ROR1: variants seen among roughly 807,000 people sequenced by gnomAD.
ROR1 encodes the protein inactive tyrosine-protein kinase transmembrane receptor ROR1.
A neutral mutation model predicts 78.8 loss-of-function variants in ROR1; 19 were observed. That is an observed-to-expected ratio of 0.24 (90% CI 0.17 to 0.35). The LOEUF is 0.35. ROR1 is among the 10% of genes least tolerant of loss of function. The pLI, the probability that ROR1 is intolerant of heterozygous loss-of-function variation, is 1.00. For missense variants in ROR1, 917 were observed against 1,177.8 expected, an observed-to-expected ratio of 0.78 and a Z score of 3.24; for synonymous variants, 386 against 433.6, an observed-to-expected ratio of 0.89 and a Z score of 1.36.
intron 2 of ROR1, among the ~76,000 whole-genome samples, chr1:64,018,551 ATTC>A (rs1018704143): frequency 4.6e-5 from 7 of 151,948 alleles, no homozygotes; most frequent in African/African-American, 1.7e-4. Flanking sequence ...TCTTCTCCCC[ATTC>A]TTCTTCTTTC....
intron 1 of ROR1, among the ~76,000 whole-genome samples, chr1:63,829,747 G>A (rs968488018): frequency 6.6e-6 from 1 of 152,186 alleles, no homozygotes; most frequent in Non-Finnish European, 1.5e-5. Context: ...TGCAGGCCAT[G>A]CTGGGGAGCT....
chr1:63,919,819 A>G (rs992330821), intron 1 of ROR1, among the ~76,000 whole-genome samples: 1 of 152,202 alleles, frequency 6.6e-6, no homozygotes, highest in Non-Finnish European at 1.5e-5. Context: ...TTAGCGATGC[A>G]CAGTGATCTA....
At chr1:64,127,069 C>T (rs192903791) in intron 4 of ROR1, among the ~76,000 whole-genome samples, 1 of 152,294 alleles carries the variant, frequency 6.6e-6, no homozygotes, top group East Asian at 1.9e-4. Context: ...TATTGTATCA[C>T]TGTTAAGCAC....
At chr1:63,835,865 T>C (rs1184185340) in intron 1 of ROR1, among the ~76,000 whole-genome samples, 1 of 152,206 alleles carries the variant, frequency 6.6e-6, no homozygotes, top group Non-Finnish European at 1.5e-5. Flanking sequence ...CCGTCTCCTT[T>C]TAGAGGAAAT....
intron 1 of ROR1, among the ~76,000 whole-genome samples, chr1:63,910,383 C>A (rs951600600): frequency 4.6e-5 from 7 of 152,098 alleles, no homozygotes; most frequent in African/African-American, 1.7e-4. Context: ...ACAGAAAGGG[C>A]TCATTGGCTG....
At chr1:63,827,048 G>A (rs544028874) in intron 1 of ROR1, among the ~76,000 whole-genome samples, 8 of 147,946 alleles carry the variant, frequency 5.4e-5, no homozygotes, top group African/African-American at 1.3e-4. Context: ...GCTGGAAGCC[G>A]TTATCCTTTT....
chr1:63,856,318 A>G (rs111464418), intron 1 of ROR1, among the ~76,000 whole-genome samples: 2 of 152,332 alleles, frequency 1.3e-5, no homozygotes, highest in Admixed American at 6.5e-5. Flanking sequence ...TACTTAGTCT[A>G]TAACTAATTA....
At chr1:64,102,624 G>T (rs1337267198) in intron 4 of ROR1, among the ~76,000 whole-genome samples, 1 of 152,162 alleles carries the variant, frequency 6.6e-6, no homozygotes, top group African/African-American at 2.4e-5. Flanking sequence ...ATGCACAAAG[G>T]TGGGCTTAGA....
chr1:64,149,697 A>G (rs1308008816), intron 7 of ROR1, among the ~76,000 whole-genome samples: 1 of 152,206 alleles, frequency 6.6e-6, no homozygotes, highest in Non-Finnish European at 1.5e-5. Context: ...TTCATTCACT[A>G]TGCTTTCACC....
chr1:63,868,478 C>T (rs906254255), intron 1 of ROR1, among the ~76,000 whole-genome samples: 6 of 152,178 alleles, frequency 3.9e-5, no homozygotes, highest in African/African-American at 1.2e-4. Context: ...CAAATTCAGG[C>T]TCTACCACTT....
intron 1 of ROR1, among the ~76,000 whole-genome samples, chr1:63,876,679 TGTGCGC>T (rs1348833013): frequency 2.2e-4 from 18 of 80,178 alleles, no homozygotes; most frequent in African/African-American, 1.4e-3. Context: ...TGTGTGTGTG[TGTGCGC>T]GTGTGTGTGT....
intron 1 of ROR1, among the ~76,000 whole-genome samples, chr1:63,804,932 A>G (rs1644819316): frequency 6.6e-6 from 1 of 152,154 alleles, no homozygotes; most frequent in South Asian, 2.1e-4. Context: ...AGAGCCTGAG[A>G]TCTTGTCACT....
chr1:63,789,292 T>G (rs1040228994), intron 1 of ROR1: 13 of 540,256 alleles, frequency 2.4e-5, no homozygotes, highest in African/African-American at 2.3e-4. Flanking sequence ...TTCTGAAGCC[T>G]GAGCATACTC....
chr1:64,019,604 C>T (rs551376309), intron 2 of ROR1, among the ~76,000 whole-genome samples: 25 of 152,292 alleles, frequency 1.6e-4, no homozygotes, highest in Admixed American at 7.8e-4. Flanking sequence ...TAACACCTCC[C>T]TTTCTCATGA....
At chr1:64,088,135 T>C (rs1647167972) in intron 4 of ROR1, among the ~76,000 whole-genome samples, 1 of 152,216 alleles carries the variant, frequency 6.6e-6, no homozygotes. Context: ...TAGTTCAGTC[T>C]CTTTGCTCAA....
intron 1 of ROR1, among the ~76,000 whole-genome samples, chr1:63,868,139 G>T (rs1325732041): frequency 2.7e-5 from 4 of 148,280 alleles, no homozygotes; most frequent in African/African-American, 7.8e-5. Context: ...TTTTGTTGTT[G>T]TTGTTGTTGT....
At position 63,996,286 on chromosome 1, in the gene ROR1, A is replaced by G. The variant is rs147396992; in HGVS notation, c.92-13019A>G. Among the ~76,000 whole-genome samples, 947 of 152,304 alleles carry G rather than the reference A, an allele frequency of 6.2e-3. 9 individuals are homozygous for G. Among genetic ancestry groups the G allele is most frequent in the African/African-American group, 0.022 (916 of 41,554 alleles). On this transcript the variant is annotated intron_variant, in intron 1 of 8. Coordinates refer to ENST00000371079, the MANE Select transcript of ROR1 (RefSeq NM_005012.4). ...CTGTGGGGTTTCAGAAGAGGGAGAA[A>G]TTAAACTAAAAGGCTCTGGGAAGAG...
chr1:63,779,029 C>A (rs1644634802), intron 1 of ROR1, among the ~76,000 whole-genome samples: 1 of 152,174 alleles, frequency 6.6e-6, no homozygotes, highest in African/African-American at 2.4e-5. Flanking sequence ...TGGAGACAGC[C>A]AATTTCAATT....
intron 1 of ROR1, among the ~76,000 whole-genome samples, chr1:63,844,585 G>T (rs779974217): frequency 6.6e-6 from 1 of 152,184 alleles, no homozygotes; most frequent in African/African-American, 2.4e-5. Flanking sequence ...GGTGTTTGGG[G>T]TCTAGGGATG....
Sources: gnomAD v4.1 joint callset for allele counts (sites outside exome capture counted in the v4.1 genomes callset) on GRCh38, gnomAD v4.1.1 for gene constraint, MANE v1.5 for transcripts, NCBI Gene and HGNC (gene_info 2026-07-23, HGNC 2026-07-21) for gene names.